Variants in INTS13 observed in about 807,000 individuals in gnomAD.
The protein encoded by INTS13 is asunder, spermatogenesis regulator homolog (Drosphila).
INTS13 carries 35 observed loss-of-function variants against 90.2 expected under a neutral mutation model. The observed-to-expected ratio is 0.39, with a 90% CI of 0.30 to 0.51. The LOEUF (loss-of-function observed/expected upper bound fraction) is 0.51, where lower values mean the gene tolerates loss of function less well. INTS13 is among the 20% of genes least tolerant of loss of function. INTS13 has a pLI of 0.80. For missense variants in INTS13, 601 were observed against 851.2 expected, an observed-to-expected ratio of 0.71 and a Z score of 3.66; for synonymous variants, 309 against 277.1, an observed-to-expected ratio of 1.11 and a Z score of -1.14.
At chr12:26,933,487 T>C (rs1215752697) in intron 3 of INTS13, among the ~76,000 whole-genome samples, 1 of 152,132 alleles carries the variant, frequency 6.6e-6, no homozygotes, top group Non-Finnish European at 1.5e-5. Flanking sequence ...GTGGAGTATA[T>C]AATGCCCTCA....
chr12:26,907,402 G>A (rs569027648), intron 15 of INTS13, among the ~76,000 whole-genome samples: 4 of 152,286 alleles, frequency 2.6e-5, no homozygotes, highest in East Asian at 3.9e-4. Flanking sequence ...TTAGGACATC[G>A]TAGGCAAAAG....
At chr12:26,927,962 C>T (rs114305193) in intron 5 of INTS13, among the ~76,000 whole-genome samples, 2,142 of 152,226 alleles carry the variant, frequency 0.014, 57 homozygotes, top group African/African-American at 0.049. Context: ...ACCATCAAAA[C>T]AAATACACAT....
At position 26,936,647 on chromosome 12, in the gene INTS13, T is replaced by C; in HGVS notation, c.157A>G (p.Thr53Ala). The change falls in exon 2 of 17, where the codon ACT becomes GCT. Residue 53 changes from threonine to alanine, a missense_variant. This residue lies in a region of INTS13 where 284 missense variants were observed against 387.7 expected (regional missense o/e 0.73). Transcript: ENST00000261191. ...TCCATGGAAGATTCTACTGAGCAAGTCCACAATGATTTAGATATGGGGGCC... is the reference window on the plus strand; with the variant it reads ...TCCATGGAAGATTCTACTGAGCAAGCCCACAATGATTTAGATATGGGGGCC... Reference protein sequence around the residue: ...PLAPISKSLWTCSVESSMEYC... With the variant: ...PLAPISKSLWACSVESSMEYC... 1 of 1,613,702 alleles carries C rather than the reference T, an allele frequency of 6.2e-7. No individual in the cohort carries two copies. Among genetic ancestry groups the C allele is most frequent in the Non-Finnish European group, 8.5e-7 (1 of 1,179,618 alleles).
intron 15 of INTS13, among the ~76,000 whole-genome samples, chr12:26,909,463 G>A (rs1024218102): frequency 3.4e-5 from 5 of 146,094 alleles, no homozygotes; most frequent in African/African-American, 7.6e-5. Context: ...TGCCAGTATA[G>A]ATAATACTCT....
chr12:26,924,386 G>A lies in INTS13; in HGVS notation c.773C>T (p.Ala258Val), dbSNP rs1937749347. ...NILVQQHFDLASTTITNIPMK... is the reference protein window; with the variant it reads ...NILVQQHFDLVSTTITNIPMK... ...TGGAATATTTGTAATAGTAGTTGAA[G>A]CCAAGTCAAAATGTTGCTGTACTAA... The change falls in exon 7 of 17, where the codon GCT becomes GTT. Residue 258 changes from alanine (A) to valine (V), a missense_variant. Physicochemically the swap from Ala to Val is moderately conservative, Grantham distance 64. Coordinates refer to ENST00000261191, the MANE Select transcript of INTS13 (RefSeq NM_018164.3). The A allele has an allele frequency of 6.2e-7, 1 of 1,612,796 alleles. No homozygotes were observed. Among genetic ancestry groups the A allele is most frequent in the Non-Finnish European group, 8.5e-7 (1 of 1,179,344 alleles).
upstream of INTS13, chr12:26,937,997 G>GCGCACA (rs1555209971): frequency 1.1e-4 from 16 of 151,188 alleles, no homozygotes; most frequent in African/African-American, 3.9e-4. Flanking sequence ...GCGTGCGCGT[G>GCGCACA]CACACACACA....
chr12:26,918,660 C>T (rs1339726534), intron 8 of INTS13, among the ~76,000 whole-genome samples: 1 of 152,140 alleles, frequency 6.6e-6, no homozygotes, highest in Non-Finnish European at 1.5e-5. Context: ...TTAGAAGAAA[C>T]ACAAACCAAG....
intron 2 of INTS13, among the ~76,000 whole-genome samples, chr12:26,935,544 GAAGT>G (rs1212695651): frequency 1.3e-5 from 2 of 152,088 alleles, no homozygotes; most frequent in Non-Finnish European, 2.9e-5. Context: ...TTACATCGAG[GAAGT>G]AAGTGTTATA....
chr12:26,919,316 T>C (rs963313021), intron 8 of INTS13, among the ~76,000 whole-genome samples: 4 of 151,998 alleles, frequency 2.6e-5, no homozygotes, highest in African/African-American at 9.7e-5. Flanking sequence ...AAGATTAGTA[T>C]GCTTTGAGAT....
intron 8 of INTS13, among the ~76,000 whole-genome samples, chr12:26,918,032 G>GA (rs1483920822): frequency 3.9e-5 from 6 of 152,110 alleles, no homozygotes; most frequent in African/African-American, 1.4e-4. Flanking sequence ...TGAGACAGAA[G>GA]AATCGCTTGA....
chr12:26,919,347 G>C (rs979960926), intron 8 of INTS13, among the ~76,000 whole-genome samples: 1 of 151,964 alleles, frequency 6.6e-6, no homozygotes, highest in Non-Finnish European at 1.5e-5. Flanking sequence ...AGGGGGAGGG[G>C]GCCAGACAAT....
intron 2 of INTS13, among the ~76,000 whole-genome samples, chr12:26,935,407 T>C (rs1938407535): frequency 6.6e-6 from 1 of 152,242 alleles, no homozygotes; most frequent in South Asian, 2.1e-4. Flanking sequence ...TTTTTCCCTA[T>C]ATATCGATGA....
chr12:26,913,770 G>T, intron 13 of INTS13, 83 bp from the exon 14 acceptor site: 1 of 1,268,934 alleles, frequency 7.9e-7, no homozygotes, highest in Non-Finnish European at 1.1e-6. Context: ...ATAATGAAAT[G>T]TGGACTTCCT....
rs940669133 is a variant in INTS13 at position 26,924,347 on chromosome 12, C to G, written c.804+8G>C. Reference sequence around the variant, plus strand: ...GCTTTCAAAATAGCAGGAAAAAGAACTGCCTACCTTCATTGGAATATTTGT... The same window carrying G: ...GCTTTCAAAATAGCAGGAAAAAGAAGTGCCTACCTTCATTGGAATATTTGT... On this transcript the variant is annotated splice_region_variant and intron_variant, in intron 7 of 16. Coordinates refer to ENST00000261191, the MANE Select transcript of INTS13 (RefSeq NM_018164.3). 17 of 1,608,044 alleles carry G rather than the reference C, an allele frequency of 1.1e-5. No individual in the cohort carries two copies. The highest frequency in any genetic ancestry group is 8.5e-5 in the Admixed American group (5 of 58,876).
intron 1 of INTS13, 49 bp from the exon 2 acceptor site, chr12:26,936,863 C>T: frequency 8.1e-7 from 1 of 1,238,270 alleles, no homozygotes; most frequent in Non-Finnish European, 1.2e-6. Flanking sequence ...TAACATCTTA[C>T]ATTTTTTCTA....
intron 8 of INTS13, 97 bp from the exon 9 acceptor site, chr12:26,917,830 A>C: frequency 2.1e-6 from 2 of 961,290 alleles, no homozygotes; most frequent in Non-Finnish European, 3.2e-6. Flanking sequence ...TAATTTAAAA[A>C]ATAATAAAAG....
intron 9 of INTS13, 80 bp downstream of exon 9, chr12:26,917,563 CA>C (rs1397630099): frequency 1.4e-6 from 2 of 1,386,976 alleles, no homozygotes; most frequent in African/African-American, 2.9e-5. Context: ...AACGAAAATG[CA>C]AAACAGAATA....
intron 8 of INTS13, among the ~76,000 whole-genome samples, chr12:26,920,085 G>A (rs951948098): frequency 1.3e-5 from 2 of 150,734 alleles, no homozygotes; most frequent in African/African-American, 2.4e-5. Flanking sequence ...CCAAGATCGC[G>A]TCACTGCACT....
At chr12:26,929,665 G>T (rs1048301267) in intron 3 of INTS13, among the ~76,000 whole-genome samples, 2 of 151,724 alleles carry the variant, frequency 1.3e-5, no homozygotes, top group Middle Eastern at 3.2e-3. Flanking sequence ...GAGCCCAGGA[G>T]TTCAGCCACT....
Sources: gnomAD v4.1 joint callset for allele counts (sites outside exome capture counted in the v4.1 genomes callset) on GRCh38, gnomAD v4.1.1 for gene constraint, gnomAD v4.1.1 regional missense constraint, MANE v1.5 for transcripts, NCBI Gene and HGNC (gene_info 2026-07-23, HGNC 2026-07-21) for gene names.